ASTN2: variants seen among roughly 807,000 people sequenced by gnomAD.
ASTN2 encodes the protein astrotactin-2.
ASTN2 carries 54 observed loss-of-function variants against 139.8 expected under a neutral mutation model. The ratio of observed to expected loss-of-function variants is 0.39; its 90% confidence interval spans 0.31 to 0.48. ASTN2 has a LOEUF of 0.48. Ranked by LOEUF, ASTN2 falls within the 20% of genes least tolerant of loss-of-function variation. The probability of loss-of-function intolerance (pLI) is 0.95; values close to 1 mark genes in which losing one functional copy is unlikely to be tolerated. For missense variants in ASTN2, 1,565 were observed against 1,725.1 expected (o/e 0.91, Z 1.64); for synonymous variants, 756 against 719.5 (o/e 1.05, Z -0.81).
intron 10 of ASTN2, among the ~76,000 whole-genome samples, chr9:116,868,789 A>C (rs895123259): frequency 1.3e-5 from 2 of 152,250 alleles, no homozygotes; most frequent in African/African-American, 2.4e-5. Context: ...CATGGCTCCC[A>C]GCCATGCTTA....
intron 13 of ASTN2, among the ~76,000 whole-genome samples, chr9:116,780,658 C>T (rs998101679): frequency 3.9e-5 from 6 of 152,148 alleles, no homozygotes; most frequent in East Asian, 1.9e-4. Flanking sequence ...CCTGGGCAAG[C>T]GTATCTATCA....
intron 1 of ASTN2, among the ~76,000 whole-genome samples, chr9:117,393,711 G>A (rs1830603787): frequency 6.6e-6 from 1 of 152,206 alleles, no homozygotes; most frequent in African/African-American, 2.4e-5. Flanking sequence ...GGGACTGAGA[G>A]CTCCTGAGAC....
chr9:116,702,910 C>T (rs181804002), intron 16 of ASTN2, among the ~76,000 whole-genome samples: 1 of 152,158 alleles, frequency 6.6e-6, no homozygotes, highest in African/African-American at 2.4e-5. Context: ...ATAAACGTGG[C>T]GTGAGCTTTA....
chr9:116,937,695 A>G lies in ASTN2; in HGVS notation c.1889+37513T>C, dbSNP rs149180608. Reference sequence around the variant, plus strand: ...TATGCATTTGAGGTTTAGGACAAGAAAACATTGCAAAAGGAATTGAAATTA... The same window carrying G: ...TATGCATTTGAGGTTTAGGACAAGAGAACATTGCAAAAGGAATTGAAATTA... On this transcript the variant is annotated intron_variant, in intron 10 of 22. Coordinates refer to ENST00000313400, the MANE Select transcript of ASTN2 (RefSeq NM_001365068.1). Among the ~76,000 whole-genome samples the G allele has an allele frequency of 9.0e-3, 1,378 of 152,300 alleles. 13 individuals carry two copies. The highest frequency in any genetic ancestry group is 0.013 in the Non-Finnish European group (863 of 68,020).
At chr9:116,529,029 C>A (rs1322555096) in intron 19 of ASTN2, among the ~76,000 whole-genome samples, 1 of 152,130 alleles carries the variant, frequency 6.6e-6, no homozygotes, top group African/African-American at 2.4e-5. Context: ...GGGTTGGAGC[C>A]CTTACACAGT....
intron 4 of ASTN2, among the ~76,000 whole-genome samples, chr9:117,106,109 C>T (rs1829096051): frequency 6.6e-6 from 1 of 152,150 alleles, no homozygotes; most frequent in Admixed American, 6.5e-5. Context: ...AGATTCCGTC[C>T]AGACTTTTGA....
intron 16 of ASTN2, among the ~76,000 whole-genome samples, chr9:116,667,579 A>G (rs998938894): frequency 2.0e-5 from 3 of 152,190 alleles, no homozygotes; most frequent in African/African-American, 7.2e-5. Flanking sequence ...TGTACTTAAA[A>G]TCTTCCTTAA....
chr9:117,015,015 G>T (rs1837634831), intron 6 of ASTN2, among the ~76,000 whole-genome samples: 1 of 151,946 alleles, frequency 6.6e-6, no homozygotes. Flanking sequence ...TTTGTTTGTT[G>T]TTTGTTGTTG....
At chr9:116,645,685 A>G (rs1348581887) in intron 17 of ASTN2, among the ~76,000 whole-genome samples, 3 of 152,168 alleles carry the variant, frequency 2.0e-5, no homozygotes, top group East Asian at 3.9e-4. Context: ...AGGAACTTCC[A>G]CTCTGCATTA....
intron 5 of ASTN2, among the ~76,000 whole-genome samples, chr9:117,075,355 G>T (rs1025778499): frequency 6.6e-6 from 1 of 152,170 alleles, no homozygotes; most frequent in African/African-American, 2.4e-5. Context: ...GGCGGCCCAG[G>T]CTGGGGTTTT....
At chr9:116,902,090 C>G (rs1237672223) in intron 10 of ASTN2, among the ~76,000 whole-genome samples, 1 of 152,026 alleles carries the variant, frequency 6.6e-6, no homozygotes, top group East Asian at 1.9e-4. Flanking sequence ...TAAAAGTTAA[C>G]TGTTATAAAG....
At chr9:116,615,438 T>C (rs10739470) in intron 19 of ASTN2, among the ~76,000 whole-genome samples, 103,699 of 150,984 alleles carry the variant, frequency 0.69, 36,326 homozygotes, top group African/African-American at 0.84. Flanking sequence ...ATGTTTATTG[T>C]GGCACTATTC....
intron 16 of ASTN2, among the ~76,000 whole-genome samples, chr9:116,690,334 T>C (rs1860502401): frequency 6.6e-6 from 1 of 152,250 alleles, no homozygotes; most frequent in Non-Finnish European, 1.5e-5. Context: ...TTAAATGACT[T>C]ACCCAGGGCT....
chr9:116,923,196 G>C (rs1365042379), intron 10 of ASTN2, among the ~76,000 whole-genome samples: 1 of 152,194 alleles, frequency 6.6e-6, no homozygotes, highest in East Asian at 1.9e-4. Context: ...AGGACTTTGA[G>C]ACCTGTTCAG....
Position 117,286,808 on chromosome 9 carries a change from T to C in ASTN2, c.630+4518A>G, listed in dbSNP as rs183994892. ...TTTTGTGCACCTGGAGTGAATACTC[T>C]ATAAAATAACAGACATGATAACCCT... On this transcript the variant is annotated intron_variant, in intron 2 of 22. Transcript: ENST00000313400. 2.0e-3 allele frequency among the ~76,000 whole-genome samples: 310 copies of C among 152,344 alleles called. 2 individuals are homozygous for C. Among genetic ancestry groups the C allele is most frequent in the African/African-American group, 7.1e-3 (295 of 41,576 alleles).
chr9:116,472,664 G>A (rs2119015555), intron 20 of ASTN2, among the ~76,000 whole-genome samples: 1 of 152,088 alleles, frequency 6.6e-6, no homozygotes, highest in South Asian at 2.1e-4. Flanking sequence ...AGCACCTTGG[G>A]AGGCTGAGGC....
At chr9:116,723,188 C>T (rs1257585654) in intron 16 of ASTN2, among the ~76,000 whole-genome samples, 4 of 152,034 alleles carry the variant, frequency 2.6e-5, no homozygotes, top group African/African-American at 7.2e-5. Flanking sequence ...GAGGGTTGAC[C>T]TCACACATTA....
At chr9:117,377,431 G>A (rs1310733809) in intron 1 of ASTN2, among the ~76,000 whole-genome samples, 2 of 152,172 alleles carry the variant, frequency 1.3e-5, no homozygotes, top group Non-Finnish European at 2.9e-5. Flanking sequence ...TGCAGAGGGT[G>A]GTTTGACTGG....
intron 3 of ASTN2, among the ~76,000 whole-genome samples, chr9:117,176,593 A>G (rs1156595786): frequency 1.3e-5 from 2 of 152,178 alleles, no homozygotes; most frequent in Non-Finnish European, 2.9e-5. Flanking sequence ...AAAAAGATAG[A>G]TATGAGGATG....
Sources: gnomAD v4.1 joint callset for allele counts (sites outside exome capture counted in the v4.1 genomes callset) on GRCh38, gnomAD v4.1.1 for gene constraint, MANE v1.5 for transcripts, NCBI Gene and HGNC (gene_info 2026-07-23, HGNC 2026-07-21) for gene names.